Variants in CHST11 observed in about 807,000 individuals in gnomAD.
CHST11 encodes the protein carbohydrate sulfotransferase 11, also known as C4S-1.
In CHST11, 9 loss-of-function variants were observed where a neutral mutation model predicts 30.4. That is an observed-to-expected ratio of 0.30 (90% CI 0.18 to 0.52). CHST11 has a LOEUF of 0.52. Ranked by LOEUF, CHST11 falls within the 20% of genes least tolerant of loss-of-function variation. The pLI is 0.97. For missense variants in CHST11, 348 were observed against 460.6 expected (o/e 0.76, Z 2.24); for synonymous variants, 152 against 187.8 (o/e 0.81, Z 1.56).
intron 1 of CHST11, among the ~76,000 whole-genome samples, chr12:104,549,961 C>T (rs1316476039): frequency 1.3e-5 from 2 of 152,138 alleles, no homozygotes; most frequent in Non-Finnish European, 2.9e-5. Context: ...AACGATGACT[C>T]ACTTCAGCTA....
chr12:104,696,686 TAAAC>T (rs1358109313), intron 2 of CHST11, among the ~76,000 whole-genome samples: 2 of 151,596 alleles, frequency 1.3e-5, no homozygotes, highest in East Asian at 1.9e-4. Flanking sequence ...TAAAATAAAA[TAAAC>T]AAACCATCAC....
intron 1 of CHST11, among the ~76,000 whole-genome samples, chr12:104,597,482 A>G (rs1209006570): frequency 6.6e-6 from 1 of 152,182 alleles, no homozygotes; most frequent in African/African-American, 2.4e-5. Flanking sequence ...CAAAGGAAAA[A>G]AAAATAACCA....
intron 2 of CHST11, among the ~76,000 whole-genome samples, chr12:104,648,464 G>T (rs1260171200): frequency 6.6e-6 from 1 of 152,160 alleles, no homozygotes; most frequent in Non-Finnish European, 1.5e-5. Context: ...GCAAGGTCTG[G>T]CAGGAAACAA....
intron 2 of CHST11, among the ~76,000 whole-genome samples, chr12:104,669,144 T>C (rs11112153): frequency 0.13 from 19,566 of 152,150 alleles, 1,429 homozygotes; most frequent in Admixed American, 0.18. Context: ...GCCCGCTGTG[T>C]CTCCTGCCAG....
intron 1 of CHST11, among the ~76,000 whole-genome samples, chr12:104,546,929 A>C (rs1279275670): frequency 6.6e-6 from 1 of 152,218 alleles, no homozygotes; most frequent in Admixed American, 6.5e-5. Flanking sequence ...AGTACTAGTG[A>C]AGTGGTACTG....
chr12:104,694,262 C>T (rs1012032629), intron 2 of CHST11, among the ~76,000 whole-genome samples: 35 of 152,284 alleles, frequency 2.3e-4, no homozygotes, highest in Admixed American at 8.5e-4. Flanking sequence ...TCTCCAGCCG[C>T]AGTCCAGCCC....
chr12:104,528,002 A>G (rs549855872), intron 1 of CHST11, among the ~76,000 whole-genome samples: 4 of 152,154 alleles, frequency 2.6e-5, no homozygotes, highest in Admixed American at 6.5e-5. Flanking sequence ...GTCACCTCCC[A>G]CCAGGTTCCT....
At chr12:104,679,513 GT>G (rs2039774549) in intron 2 of CHST11, among the ~76,000 whole-genome samples, 1 of 152,150 alleles carries the variant, frequency 6.6e-6, no homozygotes, top group Non-Finnish European at 1.5e-5. Flanking sequence ...CCCGTGTGTG[GT>G]TTGAGAAGGA....
Position 104,685,681 on chromosome 12 carries a change from C to T in CHST11, c.205-71268C>T, listed in dbSNP as rs188007157. Among the ~76,000 whole-genome samples, 339 of 152,204 alleles carry T rather than the reference C, an allele frequency of 2.2e-3. 1 individual carries two copies. The highest frequency in any genetic ancestry group is 4.0e-3 in the Non-Finnish European group (269 of 68,008). On this transcript the variant is annotated intron_variant, in intron 2 of 2. Transcript: ENST00000303694. ...GGCACATAATAGCACTTAATAAATG[C>T]TATTAGGGACTATTCTTGTTATGGT...
intron 1 of CHST11, among the ~76,000 whole-genome samples, chr12:104,486,799 C>A (rs1179225431): frequency 2.6e-5 from 4 of 152,138 alleles, no homozygotes; most frequent in Non-Finnish European, 5.9e-5. Context: ...ATTCGGGGCT[C>A]CTGCCCTACT....
At chr12:104,623,232 G>A (rs2039178280) in intron 2 of CHST11, among the ~76,000 whole-genome samples, 1 of 152,210 alleles carries the variant, frequency 6.6e-6, no homozygotes. Context: ...GGGTGTTCTT[G>A]AGCAAGTCAG....
chr12:104,652,358 G>A (rs543985179), intron 2 of CHST11, among the ~76,000 whole-genome samples: 3 of 152,294 alleles, frequency 2.0e-5, no homozygotes, highest in South Asian at 2.1e-4. Flanking sequence ...AGTTGAGCCC[G>A]TGGGCTCCTG....
At chr12:104,744,728 T>C (rs2040375848) in intron 2 of CHST11, among the ~76,000 whole-genome samples, 1 of 152,202 alleles carries the variant, frequency 6.6e-6, no homozygotes, top group African/African-American at 2.4e-5. Context: ...AGGGTTTTTA[T>C]AGTTTTGGGT....
chr12:104,640,669 A>T (rs559032734), intron 2 of CHST11, among the ~76,000 whole-genome samples: 6 of 152,358 alleles, frequency 3.9e-5, no homozygotes, highest in African/African-American at 1.4e-4. Flanking sequence ...GCAATGCTTT[A>T]ATGGTGGATA....
At chr12:104,744,365 C>CT (rs1373131913) in intron 2 of CHST11, among the ~76,000 whole-genome samples, 2 of 152,096 alleles carry the variant, frequency 1.3e-5, no homozygotes, top group East Asian at 3.8e-4. Context: ...TGATGCGGAA[C>CT]TTTTTTTTGT....
At chr12:104,527,321 G>T (rs1218964033) in intron 1 of CHST11, among the ~76,000 whole-genome samples, 1 of 152,164 alleles carries the variant, frequency 6.6e-6, no homozygotes, top group Non-Finnish European at 1.5e-5. Flanking sequence ...CAGCCTGAGT[G>T]GATTAATACA....
intron 2 of CHST11, among the ~76,000 whole-genome samples, chr12:104,658,381 C>A (rs1438688369): frequency 6.6e-6 from 1 of 152,174 alleles, no homozygotes; most frequent in East Asian, 1.9e-4. Flanking sequence ...TGTCTCTGTG[C>A]AAATTTCCCC....
intron 1 of CHST11, among the ~76,000 whole-genome samples, chr12:104,518,164 G>A (rs921872994): frequency 6.6e-6 from 1 of 152,164 alleles, no homozygotes; most frequent in African/African-American, 2.4e-5. Flanking sequence ...GCACGTGCCT[G>A]TAGTCCCCGC....
intron 1 of CHST11, among the ~76,000 whole-genome samples, chr12:104,465,933 G>C (rs552318958): frequency 6.6e-6 from 1 of 151,644 alleles, no homozygotes; most frequent in East Asian, 1.9e-4. Context: ...TAGTGGCACC[G>C]TCTGGCTCCT....
Sources: allele counts gnomAD v4.1 joint callset (sites outside exome capture counted in the v4.1 genomes callset), GRCh38; gene constraint gnomAD v4.1.1; transcripts MANE v1.5; gene names NCBI Gene and HGNC (gene_info 2026-07-23, HGNC 2026-07-21).